SLC25A48: variants seen among roughly 807,000 people sequenced by gnomAD.
SLC25A48 encodes the protein solute carrier family 25 member 48, also known as CTC-321K16.1.
SLC25A48 carries 29 observed loss-of-function variants against 32.2 expected under a neutral mutation model. The observed-to-expected ratio is 0.90, with a 90% CI of 0.67 to 1.23. SLC25A48 has a LOEUF of 1.23. SLC25A48 is among the 50% of genes most tolerant of loss of function. The probability of loss-of-function intolerance (pLI) is 0.00; values close to 1 mark genes in which losing one functional copy is unlikely to be tolerated. For synonymous variants in SLC25A48, 164 were observed against 172.3 expected, an observed-to-expected ratio of 0.95 and a Z score of 0.38; for missense variants, 399 against 422.7, an observed-to-expected ratio of 0.94 and a Z score of 0.49.
intron 3 of SLC25A48, among the ~76,000 whole-genome samples, chr5:135,794,196 G>A (rs1047137277): frequency 1.3e-5 from 2 of 151,550 alleles, no homozygotes; most frequent in African/African-American, 2.4e-5. Context: ...TCTCATTATC[G>A]CAGGTGGTGT....
rs79750722 is a variant in SLC25A48, at chr5:135,847,349, C to T, written c.91-3076C>T. 9.0e-3 allele frequency among the ~76,000 whole-genome samples: 1,375 copies of T among 152,230 alleles called. 12 individuals carry two copies. Among genetic ancestry groups the T allele is most frequent in the African/African-American group, 0.029 (1,203 of 41,544 alleles). On this transcript the variant is annotated intron_variant, in intron 2 of 7. Transcript: ENST00000681962. The stretch of plus-strand genomic sequence containing the variant: ...TAGAGATTGGTGGGAGTAGCAGCCT[C>T]TGGGGTCCTGTGGAGTGAAAGGCCT...
intron 2 of SLC25A48, among the ~76,000 whole-genome samples, chr5:135,846,875 T>C (rs1176581107): frequency 6.6e-6 from 1 of 152,180 alleles, no homozygotes; most frequent in Non-Finnish European, 1.5e-5. Flanking sequence ...TCATGTTAAA[T>C]AGTCAAATGC....
intron 3 of SLC25A48, among the ~76,000 whole-genome samples, chr5:135,651,924 C>A (rs1160940591): frequency 1.3e-5 from 2 of 152,212 alleles, no homozygotes; most frequent in South Asian, 2.1e-4. Context: ...ATGGATGGAT[C>A]TCTCTCATAA....
intron 3 of SLC25A48, among the ~76,000 whole-genome samples, chr5:135,635,368 T>C (rs1425550996): frequency 1.3e-5 from 2 of 152,224 alleles, no homozygotes; most frequent in African/African-American, 4.8e-5. Flanking sequence ...AGACCTCTGC[T>C]AAGTCCATAA....
chr5:135,701,343 GT>G (rs1308553146), intron 3 of SLC25A48, among the ~76,000 whole-genome samples: 3 of 152,212 alleles, frequency 2.0e-5, no homozygotes, highest in Non-Finnish European at 2.9e-5. Flanking sequence ...CATCTTGGGA[GT>G]TTTTTTCTGA....
chr5:135,771,184 C>T (rs561836456), intron 3 of SLC25A48, among the ~76,000 whole-genome samples: 2 of 151,308 alleles, frequency 1.3e-5, no homozygotes, highest in African/African-American at 4.9e-5. Flanking sequence ...TGGTGTACAC[C>T]CCCCTGTGAT....
intron 1 of SLC25A48, among the ~76,000 whole-genome samples, chr5:135,597,861 G>A (rs1339466023): frequency 2.6e-5 from 4 of 152,162 alleles, no homozygotes; most frequent in East Asian, 1.9e-4. Flanking sequence ...AAAATTAGCC[G>A]GGCATGGTGC....
At chr5:135,803,329 T>A (rs943183869) in intron 3 of SLC25A48, among the ~76,000 whole-genome samples, 8 of 151,554 alleles carry the variant, frequency 5.3e-5, no homozygotes, top group African/African-American at 1.9e-4. Context: ...TTCATAATAT[T>A]CCAGGGATAT....
intron 3 of SLC25A48, among the ~76,000 whole-genome samples, chr5:135,778,099 AAAG>A (rs1377201499): frequency 6.6e-6 from 1 of 151,682 alleles, no homozygotes; most frequent in East Asian, 1.9e-4. Context: ...ATTTAGGAAA[AAAG>A]AGGATAATAT....
chr5:135,743,544 G>A (rs981020373), intron 3 of SLC25A48, among the ~76,000 whole-genome samples: 4 of 152,140 alleles, frequency 2.6e-5, no homozygotes, highest in South Asian at 4.1e-4. Context: ...TAGCAGGCAC[G>A]TACTAAGTAT....
intron 3 of SLC25A48, among the ~76,000 whole-genome samples, chr5:135,659,666 TAAAGA>T (rs546652090): frequency 1.8e-3 from 278 of 152,298 alleles, no homozygotes; most frequent in African/African-American, 6.5e-3. Context: ...GGGTGATTTA[TAAAGA>T]AAAGAGGTTT....
At chr5:135,702,637 A>G (rs1754419495) in intron 3 of SLC25A48, among the ~76,000 whole-genome samples, 1 of 152,224 alleles carries the variant, frequency 6.6e-6, no homozygotes, top group Non-Finnish European at 1.5e-5. Flanking sequence ...TTTTATTCTT[A>G]CAGTCAGGAG....
intron 3 of SLC25A48, among the ~76,000 whole-genome samples, chr5:135,667,489 G>A (rs549594095): frequency 1.4e-4 from 22 of 152,260 alleles, no homozygotes; most frequent in East Asian, 3.9e-4. Context: ...AGCCAGCTGC[G>A]TCCACCAATA....
chr5:135,850,350 C>T, intron 2 of SLC25A48, 75 bp from the exon 3 acceptor site: 4 of 1,473,630 alleles, frequency 2.7e-6, no homozygotes, highest in Non-Finnish European at 3.8e-6. Context: ...CAGGGCCTTT[C>T]CCTCTGGGCA....
At chr5:135,632,789 A>G (rs1752606990) in intron 2 of SLC25A48, among the ~76,000 whole-genome samples, 1 of 152,238 alleles carries the variant, frequency 6.6e-6, no homozygotes, top group South Asian at 2.1e-4. Flanking sequence ...GTTTTGGATT[A>G]CAAAGCCTTC....
intron 3 of SLC25A48, among the ~76,000 whole-genome samples, chr5:135,789,355 C>T (rs1021863749): frequency 7.0e-6 from 1 of 141,964 alleles, no homozygotes; most frequent in Non-Finnish European, 1.5e-5. Flanking sequence ...TGTACAACTT[C>T]CTGCCATATG....
At chr5:135,767,359 G>A (rs1256089391) in intron 3 of SLC25A48, among the ~76,000 whole-genome samples, 1 of 151,904 alleles carries the variant, frequency 6.6e-6, no homozygotes, top group African/African-American at 2.4e-5. Flanking sequence ...GAATATCTGG[G>A]AGAAGAGGAT....
At chr5:135,645,725 A>G (rs997377741) in intron 3 of SLC25A48, among the ~76,000 whole-genome samples, 1 of 152,204 alleles carries the variant, frequency 6.6e-6, no homozygotes, top group African/African-American at 2.4e-5. Context: ...TCAGTGGCTC[A>G]TGTTTTACTA....
chr5:135,622,789 A>C (rs1752355150), intron 1 of SLC25A48, among the ~76,000 whole-genome samples: 1 of 152,262 alleles, frequency 6.6e-6, no homozygotes, highest in Non-Finnish European at 1.5e-5. Flanking sequence ...ATTAAAAGAT[A>C]ATAAAACAGA....
Sources: gnomAD v4.1 joint callset for allele counts (sites outside exome capture counted in the v4.1 genomes callset) on GRCh38, gnomAD v4.1.1 for gene constraint, MANE v1.5 for transcripts, NCBI Gene and HGNC (gene_info 2026-07-23, HGNC 2026-07-21) for gene names.